Variants in TBC1D22A observed in about 807,000 individuals in gnomAD.
TBC1D22A encodes the protein TBC1 domain family member 22A.
TBC1D22A carries 38 observed loss-of-function variants against 60.2 expected under a neutral mutation model. The observed-to-expected ratio is 0.63, with a 90% CI of 0.49 to 0.83. TBC1D22A has a LOEUF of 0.83. Among genes scored for constraint, TBC1D22A ranks in the 40% least tolerant of loss-of-function variants. TBC1D22A has a pLI of 0.00. For missense variants in TBC1D22A, 628 were observed against 701.0 expected, an observed-to-expected ratio of 0.90 and a Z score of 1.18; for synonymous variants, 302 against 281.7, an observed-to-expected ratio of 1.07 and a Z score of -0.72.
chr22:46,991,339 C>T (rs984940388), intron 9 of TBC1D22A, among the ~76,000 whole-genome samples: 9 of 152,262 alleles, frequency 5.9e-5, no homozygotes, highest in African/African-American at 1.7e-4. Context: ...GTAGTGAAGA[C>T]GTCAAGGGGA....
At chr22:46,774,828 C>T (rs2083633806) in intron 1 of TBC1D22A, among the ~76,000 whole-genome samples, 2 of 152,318 alleles carry the variant, frequency 1.3e-5, no homozygotes, top group East Asian at 3.9e-4. Context: ...TTCATTTGAG[C>T]GCTGCCTCGC....
At chr22:46,844,883 C>T (rs1293853464) in intron 4 of TBC1D22A, among the ~76,000 whole-genome samples, 3 of 152,130 alleles carry the variant, frequency 2.0e-5, no homozygotes, top group Non-Finnish European at 4.4e-5. Flanking sequence ...GCTGCGCCCT[C>T]CTTCATGCCA....
chr22:46,847,918 G>GTGT (rs2087080009), intron 4 of TBC1D22A, among the ~76,000 whole-genome samples: 2 of 134,138 alleles, frequency 1.5e-5, no homozygotes, highest in African/African-American at 6.5e-5. Context: ...TACCCTAGTG[G>GTGT]GTGTGTGTGT....
At chr22:46,847,408 A>G (rs2087051998) in intron 4 of TBC1D22A, among the ~76,000 whole-genome samples, 1 of 152,206 alleles carries the variant, frequency 6.6e-6, no homozygotes, top group African/African-American at 2.4e-5. Context: ...AGTAGGTCCT[A>G]AGGCATGAAG....
At chr22:47,162,841 G>A (rs1601728562) in intron 12 of TBC1D22A, among the ~76,000 whole-genome samples, 1 of 151,602 alleles carries the variant, frequency 6.6e-6, no homozygotes, top group East Asian at 1.9e-4. Flanking sequence ...GGGGGAGTGG[G>A]ACTGCGGACC....
In TBC1D22A at chr22:46,924,372, T is replaced by G. The variant is rs565680414; in HGVS notation, c.1015+12184T>G. Among the ~76,000 whole-genome samples the G allele has an allele frequency of 1.6e-3, 237 of 152,342 alleles. 1 individual carries two copies. The highest frequency in any genetic ancestry group is 5.5e-3 in the African/African-American group (229 of 41,576). Reference sequence around the variant, plus strand: ...CAGTATGTTTAATATCTAATTGACTTGATTTTCTATGTCATTTTCTCTTAA... The same window carrying G: ...CAGTATGTTTAATATCTAATTGACTGGATTTTCTATGTCATTTTCTCTTAA... On this transcript the variant is annotated intron_variant, in intron 8 of 12. Transcript: ENST00000337137.
At chr22:46,907,574 T>C (rs566980953) in intron 7 of TBC1D22A, among the ~76,000 whole-genome samples, 1 of 152,356 alleles carries the variant, frequency 6.6e-6, no homozygotes, top group African/African-American at 2.4e-5. Flanking sequence ...AGGGAGCAGC[T>C]GCGCCATCCT....
At chr22:47,048,740 A>G (rs1021262411) in intron 11 of TBC1D22A, among the ~76,000 whole-genome samples, 1 of 152,006 alleles carries the variant, frequency 6.6e-6, no homozygotes. Flanking sequence ...TGGGATGGGG[A>G]CAGGCTGACT....
chr22:47,058,545 C>T (rs1168887008), intron 11 of TBC1D22A, among the ~76,000 whole-genome samples: 1 of 152,082 alleles, frequency 6.6e-6, no homozygotes, highest in East Asian at 1.9e-4. Context: ...CCCTTGTCTA[C>T]TCTTCTCTGA....
rs529121559 is a variant in TBC1D22A at position 46,971,751 on chromosome 22, C to T, written c.1016-2539C>T. On this transcript the variant is annotated intron_variant, in intron 8 of 12. Transcript: ENST00000337137. Reference sequence around the variant, plus strand: ...AGGCTTAGTTTCTGCATCTGTGAACCGGCAGAAATAACACCTCCCACCTTG... The same window carrying T: ...AGGCTTAGTTTCTGCATCTGTGAACTGGCAGAAATAACACCTCCCACCTTG... 3.3e-5 allele frequency among the ~76,000 whole-genome samples: 5 copies of T among 152,320 alleles called. No homozygotes were observed. In the East Asian group the frequency reaches 5.8e-4, roughly 18 times the overall value.
intron 10 of TBC1D22A, among the ~76,000 whole-genome samples, chr22:47,004,323 AC>A (rs929575886): frequency 6.8e-6 from 1 of 147,596 alleles, no homozygotes; most frequent in African/African-American, 2.6e-5. Context: ...TCATACACAC[AC>A]CCCTATATAC....
At chr22:46,832,369 G>A (rs961213783) in intron 4 of TBC1D22A, among the ~76,000 whole-genome samples, 6 of 152,228 alleles carry the variant, frequency 3.9e-5, no homozygotes, top group African/African-American at 1.2e-4. Flanking sequence ...TGTTGGCTGG[G>A]GCCGGGCGCA....
intron 8 of TBC1D22A, 68 bp from the exon 9 acceptor site, chr22:46,974,222 G>A (rs964848386): frequency 4.5e-6 from 6 of 1,328,318 alleles, no homozygotes; most frequent in Middle Eastern, 1.8e-4. Flanking sequence ...TCCTCCGTGG[G>A]CCCCCTCGTG....
At chr22:46,798,535 C>T (rs2084757055) in intron 4 of TBC1D22A, among the ~76,000 whole-genome samples, 1 of 152,266 alleles carries the variant, frequency 6.6e-6, no homozygotes, top group Non-Finnish European at 1.5e-5. Flanking sequence ...CTGTGGAACG[C>T]ACTTGCTTTC....
intron 4 of TBC1D22A, among the ~76,000 whole-genome samples, chr22:46,799,008 C>T (rs1412459353): frequency 1.3e-5 from 2 of 150,914 alleles, no homozygotes; most frequent in African/African-American, 4.9e-5. Flanking sequence ...GTAGAGTTCT[C>T]AGAGTGGGTG....
intron 1 of TBC1D22A, among the ~76,000 whole-genome samples, chr22:46,786,190 A>T (rs2084152495): frequency 6.6e-6 from 1 of 152,186 alleles, no homozygotes; most frequent in Non-Finnish European, 1.5e-5. Context: ...ATTACCTTTA[A>T]TTCCTAGTTT....
intron 10 of TBC1D22A, among the ~76,000 whole-genome samples, chr22:47,010,265 A>C (rs2061715206): frequency 6.6e-6 from 1 of 152,142 alleles, no homozygotes; most frequent in Non-Finnish European, 1.5e-5. Flanking sequence ...TACCCCTACA[A>C]AGTAAGCAGC....
intron 6 of TBC1D22A, among the ~76,000 whole-genome samples, chr22:46,893,142 C>T (rs765266799): frequency 2.6e-5 from 4 of 152,218 alleles, no homozygotes; most frequent in Non-Finnish European, 4.4e-5. Flanking sequence ...GTGGGGTGGC[C>T]TCGGCAGGTT....
chr22:47,106,031 T>C (rs2065621877), intron 11 of TBC1D22A, among the ~76,000 whole-genome samples: 1 of 152,138 alleles, frequency 6.6e-6, no homozygotes, highest in Non-Finnish European at 1.5e-5. Flanking sequence ...ATTGAAGAAA[T>C]AACCAAGGTT....
Sources: gnomAD v4.1 joint callset for allele counts (sites outside exome capture counted in the v4.1 genomes callset) on GRCh38, gnomAD v4.1.1 for gene constraint, MANE v1.5 for transcripts, NCBI Gene and HGNC (gene_info 2026-07-23, HGNC 2026-07-21) for gene names.